RND3: variants seen among roughly 807,000 people sequenced by gnomAD.
The protein encoded by RND3 is rho-related GTP-binding protein RhoE.
A neutral mutation model predicts 26.5 loss-of-function variants in RND3; 8 were observed. That is an observed-to-expected ratio of 0.30 (90% CI 0.18 to 0.54). The LOEUF (loss-of-function observed/expected upper bound fraction) is 0.54, where lower values mean the gene tolerates loss of function less well. RND3 is among the 20% of genes least tolerant of loss of function. The pLI, the probability that RND3 is intolerant of heterozygous loss-of-function variation, is 0.94. For missense variants in RND3, 207 were observed against 302.8 expected (o/e 0.68, Z 2.35); for synonymous variants, 113 against 113.0 (o/e 1.00, Z 0.00).
At chr2:150,483,009 G>C (rs1468243427) in intron 3 of RND3, among the ~76,000 whole-genome samples, 1 of 152,176 alleles carries the variant, frequency 6.6e-6, no homozygotes, top group African/African-American at 2.4e-5. Flanking sequence ...CAGAGGGCCT[G>C]TTTATAGTGG....
intron 3 of RND3, among the ~76,000 whole-genome samples, chr2:150,476,138 A>C (rs1178310363): frequency 1.3e-5 from 2 of 152,232 alleles, no homozygotes; most frequent in Non-Finnish European, 2.9e-5. Context: ...GTAGAAAAAG[A>C]AAATCTAAAC....
intron 5 of RND3, among the ~76,000 whole-genome samples, chr2:150,470,494 C>T (rs1324973020): frequency 2.0e-5 from 3 of 152,132 alleles, no homozygotes; most frequent in Non-Finnish European, 2.9e-5. Flanking sequence ...TGTTAGAGCT[C>T]TGAATAAATG....
At chr2:150,472,524 T>C (rs891659987) in intron 4 of RND3, among the ~76,000 whole-genome samples, 3 of 152,192 alleles carry the variant, frequency 2.0e-5, no homozygotes, top group Non-Finnish European at 4.4e-5. Context: ...ATTCCAACTG[T>C]CCTCTTTAAG....
At chr2:150,474,006 T>G (rs1425033492) in intron 4 of RND3, among the ~76,000 whole-genome samples, 2 of 152,180 alleles carry the variant, frequency 1.3e-5, no homozygotes, top group Non-Finnish European at 2.9e-5. Context: ...GATCTGATTC[T>G]GAAACCCCAC....
In RND3 at chr2:150,469,999, G is replaced by A. The variant is rs142711267; in HGVS notation, c.723C>T (p.Cys241=). ...TDLRKDKAKS[C]TVM is the part of the protein sequence containing the mutation. ...GATAATGAAAGATTCACATCACAGT[G>A]CAGCTCTTCGCTTTGTCCTTTCGTA... The change falls in exon 6 of 6, where the codon TGC becomes TGT. Residue 241 remains cysteine (C), a synonymous_variant. Transcript: ENST00000263895. The A allele has an allele frequency of 1.4e-5, 23 of 1,613,784 alleles. No individual in the cohort carries two copies. The highest frequency in any genetic ancestry group is 1.9e-5 in the Non-Finnish European group (23 of 1,179,900).
At position 150,475,079 on chromosome 2, in the gene RND3, C is replaced by T. The variant is rs1318395616; in HGVS notation, c.239-95G>A. On this transcript the variant is annotated intron_variant, in intron 3 of 5. Transcript: ENST00000263895. ...CTTTCCGGCTAAGTCCTTTGACTGTCACATCACGACCCAACTCCCACTTCC... is the reference window on the plus strand; with the variant it reads ...CTTTCCGGCTAAGTCCTTTGACTGTTACATCACGACCCAACTCCCACTTCC... 6 of 686,792 alleles carry T rather than the reference C, an allele frequency of 8.7e-6. No homozygotes were observed. In the African/African-American group the frequency reaches 1.1e-4, roughly 12 times the overall value. 42.5% of individuals were successfully genotyped at this position (686,792 alleles called of 1,614,324 possible).
intron 5 of RND3, among the ~76,000 whole-genome samples, chr2:150,471,276 G>T (rs1404837817): frequency 6.6e-6 from 1 of 152,176 alleles, no homozygotes; most frequent in African/African-American, 2.4e-5. Context: ...GAAAGATGGT[G>T]TTATGGAGTG....
At chr2:150,474,396 G>A (rs1441080146) in intron 4 of RND3, among the ~76,000 whole-genome samples, 1 of 152,048 alleles carries the variant, frequency 6.6e-6, no homozygotes, top group Non-Finnish European at 1.5e-5. Flanking sequence ...AATTCACATT[G>A]GACACATCCC....
At chr2:150,471,798 A>C in intron 4 of RND3, 37 bp from the exon 5 acceptor site, 1 of 1,535,032 alleles carries the variant, frequency 6.5e-7, no homozygotes, top group Non-Finnish European at 9.0e-7. Flanking sequence ...AAAATGAACA[A>C]AGTAACGGTA....
intron 3 of RND3, among the ~76,000 whole-genome samples, chr2:150,476,464 C>T (rs976483152): frequency 3.3e-5 from 5 of 152,242 alleles, no homozygotes; most frequent in Admixed American, 1.3e-4. Context: ...AGCTCCTTTA[C>T]GATGGAGAGT....
chr2:150,469,075 T>C lies in RND3; in HGVS notation c.*912A>G. On this transcript the variant is annotated 3_prime_UTR_variant, in exon 6 of 6. Transcript: ENST00000263895. The stretch of plus-strand genomic sequence containing the variant: ...TTTCTGCTACTATTCTTTCCTTCAC[T>C]CATTACCTTTTCTGGTGAAAACAGT... 1 of 152,666 alleles carries C rather than the reference T, an allele frequency of 6.6e-6. No individual in the cohort carries two copies. Among genetic ancestry groups the C allele is most frequent in the East Asian group, 1.9e-4 (1 of 5,196 alleles). The allele number at this position is 152,666 out of a possible 1,614,324, so 9.5% of individuals were successfully genotyped here.
rs1381820626 is a variant in RND3 at position 150,478,047 on chromosome 2, T to G, written c.239-3063A>C. On this transcript the variant is annotated intron_variant, in intron 3 of 5. Coordinates refer to ENST00000263895, the MANE Select transcript of RND3 (RefSeq NM_005168.5). ...ATAACAAGACCATTTATTCACTATA[T>G]TTTTGATAGGTTAAGTTTATCTTGT... Among the ~76,000 whole-genome samples, 3 of 152,302 alleles carry G rather than the reference T, an allele frequency of 2.0e-5. 1 individual carries two copies. In the Middle Eastern group the frequency reaches 0.01, roughly 518 times the overall value.
rs1686382357 is a variant in RND3 at position 150,486,954 on chromosome 2, CT to C, written c.151-174del. 1 of 643,696 alleles carries C rather than the reference CT, an allele frequency of 1.6e-6. No homozygotes were observed. Among genetic ancestry groups the C allele is most frequent in the African/African-American group, 1.8e-5 (1 of 55,624 alleles). The allele number at this position is 643,696 out of a possible 1,614,324, so 39.9% of individuals were successfully genotyped here. Reference sequence around the variant, plus strand: ...GACCCTTTCCGAAACCCCTGTCCTACTCCCCACTCACCCCACCCGGCTCTCA... The same window carrying C: ...GACCCTTTCCGAAACCCCTGTCCTACCCCCACTCACCCCACCCGGCTCTCA... On this transcript the variant is annotated intron_variant, in intron 2 of 5. Coordinates refer to ENST00000263895, the MANE Select transcript of RND3 (RefSeq NM_005168.5). This position sits in a 1 kb window ranked among gnomAD's most constrained non-coding sequence, Gnocchi z 4.5.
chr2:150,476,457 TC>T (rs1399712566), intron 3 of RND3, among the ~76,000 whole-genome samples: 3 of 152,188 alleles, frequency 2.0e-5, no homozygotes, highest in Non-Finnish European at 2.9e-5. Flanking sequence ...TTTCTCTAGC[TC>T]CTTTACGATG....
chr2:150,481,314 C>T (rs989618756), intron 3 of RND3, among the ~76,000 whole-genome samples: 1 of 152,162 alleles, frequency 6.6e-6, no homozygotes, highest in Non-Finnish European at 1.5e-5. Flanking sequence ...ACAGGTATTA[C>T]AGCACTAGAC....
At chr2:150,471,816 C>G in intron 4 of RND3, 55 bp from the exon 5 acceptor site, 1 of 1,416,742 alleles carries the variant, frequency 7.1e-7, no homozygotes, top group Non-Finnish European at 9.8e-7. Context: ...GTATCCATAT[C>G]ATGAAAACCA....
At chr2:150,473,363 T>C (rs1686116370) in intron 4 of RND3, among the ~76,000 whole-genome samples, 2 of 152,172 alleles carry the variant, frequency 1.3e-5, no homozygotes, top group African/African-American at 4.8e-5. Context: ...GGAGAAAGGC[T>C]TTTCATCATA....
In RND3 at chr2:150,469,865, A is replaced by G; in HGVS notation, c.*122T>C. 1 of 1,131,524 alleles carries G rather than the reference A, an allele frequency of 8.8e-7. No individual in the cohort carries two copies. The highest frequency in any genetic ancestry group is 1.6e-5 in the South Asian group (1 of 63,038). 70.1% of individuals were successfully genotyped at this position (1,131,524 alleles called of 1,614,324 possible). A position where few individuals can be genotyped will look rare whatever the true frequency, so the allele number is the denominator to read the frequency against. On this transcript the variant is annotated 3_prime_UTR_variant, in exon 6 of 6. Coordinates refer to ENST00000263895, the MANE Select transcript of RND3 (RefSeq NM_005168.5). ...TTCCAAAAAGATGAGTATCCTCTCA[A>G]ACGCCTCCTAAGCCTCTGGTATACA... is the stretch of plus-strand genomic sequence containing the variant.
In RND3 at chr2:150,486,425, G is replaced by A. The variant is rs994618700; in HGVS notation, c.238+269C>T. 2.6e-5 allele frequency among the ~76,000 whole-genome samples: 4 copies of A among 152,238 alleles called. No homozygotes were observed. The highest frequency in any genetic ancestry group is 9.6e-5 in the African/African-American group (4 of 41,472). On this transcript the variant is annotated intron_variant, in intron 3 of 5. Coordinates refer to ENST00000263895, the MANE Select transcript of RND3 (RefSeq NM_005168.5). The surrounding 1 kb of genome is among the most constrained non-coding windows in gnomAD (Gnocchi z 4.5). ...CAAGGCGACTTGACCACGACTCCGC[G>A]GGCGGACTGCGCCTGGCCACTAGTG...
Sources: allele counts gnomAD v4.1 joint callset (sites outside exome capture counted in the v4.1 genomes callset), GRCh38; gene constraint gnomAD v4.1.1; non-coding constraint Gnocchi (gnomAD v3.1); transcripts MANE v1.5; gene names NCBI Gene and HGNC (gene_info 2026-07-23, HGNC 2026-07-21).